Variants in DNAH11 observed in about 807,000 individuals in gnomAD.
The protein encoded by DNAH11 is axonemal beta dynein heavy chain 11.
A neutral mutation model predicts 526.0 loss-of-function variants in DNAH11; 442 were observed. That is an observed-to-expected ratio of 0.84 (90% CI 0.78 to 0.91). The LOEUF is 0.91. Among genes scored for constraint, DNAH11 ranks in the 40% least tolerant of loss-of-function variants. The pLI, the probability that DNAH11 is intolerant of heterozygous loss-of-function variation, is 0.00. For synonymous variants in DNAH11, 2,461 were observed against 1,935.9 expected, an observed-to-expected ratio of 1.27 and a Z score of -7.12; for missense variants, 6,989 against 5,448.7, an observed-to-expected ratio of 1.28 and a Z score of -8.90.
At chr7:21,834,008 C>T (rs1781891390) in intron 65 of DNAH11, among the ~76,000 whole-genome samples, 1 of 152,186 alleles carries the variant, frequency 6.6e-6, no homozygotes, top group Non-Finnish European at 1.5e-5. Context: ...ATGGACCTCA[C>T]AGACGTTTAC....
chr7:21,662,023 T>G (rs1194768091), intron 30 of DNAH11, among the ~76,000 whole-genome samples: 1 of 152,082 alleles, frequency 6.6e-6, no homozygotes, highest in Non-Finnish European at 1.5e-5. Context: ...TTCACCATGT[T>G]GGCCAGGCTG....
intron 25 of DNAH11, among the ~76,000 whole-genome samples, chr7:21,624,312 T>G (rs1583539711): frequency 6.6e-6 from 1 of 152,206 alleles, no homozygotes; most frequent in Admixed American, 6.5e-5. Context: ...AGTATTTTAT[T>G]GTTTGATACT....
At chr7:21,602,469 A>T (rs1533992) in intron 18 of DNAH11, among the ~76,000 whole-genome samples, 7,139 of 152,266 alleles carry the variant, frequency 0.047, 231 homozygotes, top group Admixed American at 0.08. Flanking sequence ...CTTTTTAACA[A>T]CAAAGTCTCT....
intron 2 of DNAH11, 34 bp downstream of exon 2, chr7:21,545,183 C>A: frequency 6.6e-7 from 1 of 1,505,476 alleles, no homozygotes; most frequent in Non-Finnish European, 8.9e-7. Flanking sequence ...AAAGCTTTCA[C>A]TTATCTCCAT....
chr7:21,598,161 A>G (rs1416525172), intron 14 of DNAH11, among the ~76,000 whole-genome samples: 3 of 152,228 alleles, frequency 2.0e-5, no homozygotes, highest in East Asian at 1.9e-4. Context: ...AACAGAGAGT[A>G]TAGTCCACCT....
chr7:21,552,895 C>G (rs1338249958), intron 2 of DNAH11, among the ~76,000 whole-genome samples: 1 of 152,066 alleles, frequency 6.6e-6, no homozygotes, highest in African/African-American at 2.4e-5. Context: ...GGTGGTAGGT[C>G]TGGACAAGTT....
intron 25 of DNAH11, among the ~76,000 whole-genome samples, chr7:21,627,639 G>A (rs959533384): frequency 6.6e-6 from 1 of 152,088 alleles, no homozygotes; most frequent in Admixed American, 6.6e-5. Flanking sequence ...TGGTCTCTGT[G>A]TCTGTTATTA....
intron 2 of DNAH11, among the ~76,000 whole-genome samples, chr7:21,553,625 G>A (rs79791253): frequency 0.037 from 5,574 of 152,198 alleles, 337 homozygotes; most frequent in East Asian, 0.28. Flanking sequence ...TCCATTTAGG[G>A]CATTCTTTTT....
At chr7:21,840,426 C>T (rs1287068120) in intron 65 of DNAH11, among the ~76,000 whole-genome samples, 1 of 152,106 alleles carries the variant, frequency 6.6e-6, no homozygotes, top group African/African-American at 2.4e-5. Flanking sequence ...ATTTTATACA[C>T]TTAATAATGA....
chr7:21,837,601 G>T (rs541688781), intron 65 of DNAH11, among the ~76,000 whole-genome samples: 4 of 152,178 alleles, frequency 2.6e-5, no homozygotes, highest in African/African-American at 9.6e-5. Flanking sequence ...GGAGAGATTG[G>T]TCAATGGTTA....
rs886038455 is a variant in DNAH11 at position 21,543,232 on chromosome 7, C to A, written c.-14C>A. ...GGAGCCAGCCGGCCTCGCGTTCCCT[C>A]GGACGGTTGCCCAATGGCAGCCCAG... On this transcript the variant is annotated 5_prime_UTR_variant, in exon 1 of 82. Transcript: ENST00000409508. The A allele has an allele frequency of 1.3e-6, 2 of 1,519,174 alleles. No individual in the cohort carries two copies. The highest frequency in any genetic ancestry group is 1.2e-5 in the South Asian group (1 of 81,438). The allele number at this position is 1,519,174 out of a possible 1,614,324, so 94.1% of individuals were successfully genotyped here. A position where few individuals can be genotyped will look rare whatever the true frequency, so the allele number is the denominator to read the frequency against.
rs1255598536 is a variant in DNAH11, at chr7:21,815,616, T to C, written c.10333-851T>C. Among the ~76,000 whole-genome samples, 12 of 152,258 alleles carry C rather than the reference T, an allele frequency of 7.9e-5. No homozygotes were observed. The South Asian group carries it at 1.5e-3, about 18-fold the overall frequency. Reference sequence around the variant, plus strand: ...CTCTTATGGAGGCATGCTTCCATGTTAACCACCCCACCAAGCTAGGGGGCT... The same window carrying C: ...CTCTTATGGAGGCATGCTTCCATGTCAACCACCCCACCAAGCTAGGGGGCT... On this transcript the variant is annotated intron_variant, in intron 63 of 81. Transcript: ENST00000409508.
chr7:21,839,622 T>C (rs1010941511), intron 65 of DNAH11, among the ~76,000 whole-genome samples: 3 of 151,600 alleles, frequency 2.0e-5, no homozygotes, highest in Middle Eastern at 3.4e-3. Context: ...TATACTGGCT[T>C]GGGCAGAAGA....
chr7:21,864,776 A>G (rs1783209351), intron 70 of DNAH11, 119 bp downstream of exon 70: 1 of 962,474 alleles, frequency 1.0e-6, no homozygotes, highest in Non-Finnish European at 1.5e-6. Flanking sequence ...TTTCAGTTGT[A>G]GAAATGCACT....
At chr7:21,821,730 A>G (rs931161995) in intron 65 of DNAH11, among the ~76,000 whole-genome samples, 24 of 151,796 alleles carry the variant, frequency 1.6e-4, no homozygotes, top group African/African-American at 5.8e-4. Context: ...CTTCTCTTCT[A>G]GCTATATTAA....
intron 54 of DNAH11, among the ~76,000 whole-genome samples, chr7:21,756,677 G>T (rs559215878): frequency 2.9e-4 from 44 of 152,186 alleles, no homozygotes; most frequent in African/African-American, 9.9e-4. Context: ...GATAGTGTGA[G>T]TTCTTTCCCA....
chr7:21,843,432 C>G (rs544894149), intron 66 of DNAH11, among the ~76,000 whole-genome samples: 2 of 151,006 alleles, frequency 1.3e-5, no homozygotes, highest in East Asian at 3.9e-4. Flanking sequence ...AGGCATATAA[C>G]TACACACAGA....
rs574905477 is a variant in DNAH11 at position 21,701,917 on chromosome 7, T to A, written c.6181-793T>A. 1.3e-4 allele frequency among the ~76,000 whole-genome samples: 19 copies of A among 151,414 alleles called. No homozygotes were observed. The East Asian group carries it at 2.6e-3, about 21-fold the overall frequency. On this transcript the variant is annotated intron_variant, in intron 36 of 81. Transcript: ENST00000409508. ...AGAGATGGGTTGTTACTGTGTGGGT[T>A]GTAGCTGGACGGTGAAAGAGGGCCA... is the stretch of plus-strand genomic sequence containing the variant.
intron 74 of DNAH11, among the ~76,000 whole-genome samples, chr7:21,873,949 C>T (rs894928924): frequency 6.6e-6 from 1 of 151,780 alleles, no homozygotes; most frequent in Non-Finnish European, 1.5e-5. Flanking sequence ...TACCACCACG[C>T]CCGGCTAATT....
Sources: gnomAD v4.1 joint callset for allele counts (sites outside exome capture counted in the v4.1 genomes callset) on GRCh38, gnomAD v4.1.1 for gene constraint, MANE v1.5 for transcripts, NCBI Gene and HGNC (gene_info 2026-07-23, HGNC 2026-07-21) for gene names.